Variants in HDAC9 observed in about 807,000 individuals in gnomAD.
The protein encoded by HDAC9 is MEF-2 interacting transcription repressor (MITR) protein.
In HDAC9, 41 loss-of-function variants were observed where a neutral mutation model predicts 139.4. That is an observed-to-expected ratio of 0.29 (90% CI 0.23 to 0.38). The LOEUF (loss-of-function observed/expected upper bound fraction) is 0.38. HDAC9 is among the 10% of genes least tolerant of loss of function. The pLI is 1.00. For synonymous variants in HDAC9, 517 were observed against 476.2 expected (o/e 1.09, Z -1.12); for missense variants, 1,147 against 1,297.0 (o/e 0.88, Z 1.78).
At chr7:18,576,052 T>C (rs1278491274) in intron 2 of HDAC9, among the ~76,000 whole-genome samples, 1 of 152,182 alleles carries the variant, frequency 6.6e-6, no homozygotes, top group African/African-American at 2.4e-5. Context: ...AGCTAAGATA[T>C]GAAGGATAGG....
intron 2 of HDAC9, among the ~76,000 whole-genome samples, chr7:18,506,506 T>A (rs1799805287): frequency 6.6e-6 from 1 of 152,168 alleles, no homozygotes; most frequent in Admixed American, 6.5e-5. Context: ...GATTCTATTA[T>A]TGAAAGTGTA....
intron 1 of HDAC9, among the ~76,000 whole-genome samples, chr7:18,303,420 TG>T (rs1798698699): frequency 9.0e-6 from 1 of 111,286 alleles, no homozygotes; most frequent in African/African-American, 6.4e-5. Flanking sequence ...TGTGTGTGTG[TG>T]TGTTTTTAGT....
chr7:18,404,863 G>A (rs189894059), intron 1 of HDAC9, among the ~76,000 whole-genome samples: 44 of 152,298 alleles, frequency 2.9e-4, no homozygotes, highest in African/African-American at 9.1e-4. Flanking sequence ...AAAGAAGTAC[G>A]ATTATTGTTT....
intron 6 of HDAC9, among the ~76,000 whole-genome samples, chr7:18,601,770 T>A (rs1284002962): frequency 6.6e-6 from 1 of 152,236 alleles, no homozygotes; most frequent in Non-Finnish European, 1.5e-5. Context: ...ATGGTTTACA[T>A]TAGCCAATTT....
chr7:18,167,058 A>G (rs553013289), intron 2 of HDAC9, among the ~76,000 whole-genome samples: 1 of 152,244 alleles, frequency 6.6e-6, no homozygotes, highest in Non-Finnish European at 1.5e-5. Flanking sequence ...TATCTATTTC[A>G]AGTAATATTC....
At chr7:18,389,488 G>A (rs1786258611) in intron 1 of HDAC9, among the ~76,000 whole-genome samples, 1 of 152,176 alleles carries the variant, frequency 6.6e-6, no homozygotes, top group African/African-American at 2.4e-5. Flanking sequence ...ATCTGGACGA[G>A]TGCTCATGGT....
chr7:18,214,280 A>C (rs771863549), intron 2 of HDAC9, among the ~76,000 whole-genome samples: 1 of 152,124 alleles, frequency 6.6e-6, no homozygotes. Context: ...TCTTGTATTA[A>C]TGGTGTGTCT....
intron 12 of HDAC9, among the ~76,000 whole-genome samples, chr7:18,675,241 C>T (rs1006420505): frequency 3.9e-5 from 6 of 152,090 alleles, no homozygotes; most frequent in South Asian, 2.1e-4. Context: ...CATTTTGCAT[C>T]GTCTTTGAGA....
chr7:18,131,739 A>G (rs1362818885), intron 1 of HDAC9, among the ~76,000 whole-genome samples: 1 of 152,126 alleles, frequency 6.6e-6, no homozygotes, highest in Non-Finnish European at 1.5e-5. Flanking sequence ...TGAGGCGGTG[A>G]GAGCCTCAGT....
intron 2 of HDAC9, among the ~76,000 whole-genome samples, chr7:18,254,995 A>C (rs1292883629): frequency 3.9e-5 from 6 of 152,362 alleles, no homozygotes; most frequent in Non-Finnish European, 8.8e-5. Context: ...ACACATATAC[A>C]TATATAAATT....
At chr7:18,508,021 A>C (rs1352767030) in intron 2 of HDAC9, among the ~76,000 whole-genome samples, 1 of 152,184 alleles carries the variant, frequency 6.6e-6, no homozygotes, top group Non-Finnish European at 1.5e-5. Flanking sequence ...TGAAAGAGTC[A>C]TTTATCGGTT....
chr7:18,292,548 G>A (rs1313144481), intron 1 of HDAC9, among the ~76,000 whole-genome samples: 2 of 152,070 alleles, frequency 1.3e-5, no homozygotes, highest in African/African-American at 4.8e-5. Flanking sequence ...CAAATACAGA[G>A]GCGGGTGGGG....
rs1459383802 is a variant in HDAC9, at chr7:18,704,474, TTG to T, written c.1732-23100_1732-23099del. Among the ~76,000 whole-genome samples the T allele has an allele frequency of 2.6e-5, 4 of 152,302 alleles. No individual in the cohort carries two copies. The East Asian group carries it at 7.7e-4, about 29-fold the overall frequency. ...AGCCATTCTAGGTACTTAACTGAAT[TTG>T]TGTGTTTGGAATCTCCTTAAGTGAC... On this transcript the variant is annotated intron_variant, in intron 12 of 25. Transcript: ENST00000686413.
chr7:18,902,607 T>G (rs1212522311), intron 22 of HDAC9, among the ~76,000 whole-genome samples: 2 of 152,150 alleles, frequency 1.3e-5, no homozygotes, highest in South Asian at 2.1e-4. Context: ...TGTGAGCAAC[T>G]GAAACAATTG....
chr7:18,820,851 G>A (rs1794911533), intron 17 of HDAC9, among the ~76,000 whole-genome samples: 1 of 152,160 alleles, frequency 6.6e-6, no homozygotes, highest in South Asian at 2.1e-4. Context: ...AAATAGAGAT[G>A]AGTTCTCAGA....
At chr7:18,775,518 C>T (rs978299591) in intron 16 of HDAC9, among the ~76,000 whole-genome samples, 1 of 151,924 alleles carries the variant, frequency 6.6e-6, no homozygotes, top group African/African-American at 2.4e-5. Context: ...CTACAAGTAG[C>T]GAAATTCTTT....
rs966570006 is a variant in HDAC9, at chr7:18,528,587, T to A, written c.22+32263T>A. Reference sequence around the variant, plus strand: ...CATTAAAAATTACTTAGCAAACTCATAATTATGTACCAGAATAATTCCCTT... The same window carrying A: ...CATTAAAAATTACTTAGCAAACTCAAAATTATGTACCAGAATAATTCCCTT... On this transcript the variant is annotated intron_variant, in intron 2 of 25. Transcript: ENST00000686413. Among the ~76,000 whole-genome samples, 6 of 152,258 alleles carry A rather than the reference T, an allele frequency of 3.9e-5. No individual in the cohort carries two copies. The South Asian group carries it at 6.2e-4, about 16-fold the overall frequency.
chr7:18,936,347 T>A (rs1258827068), intron 23 of HDAC9, among the ~76,000 whole-genome samples: 1 of 152,218 alleles, frequency 6.6e-6, no homozygotes, highest in Non-Finnish European at 1.5e-5. Context: ...GAATTCTTTA[T>A]GCTAAGAGGT....
chr7:18,909,087 C>G (rs1802522486), intron 22 of HDAC9, among the ~76,000 whole-genome samples: 1 of 152,044 alleles, frequency 6.6e-6, no homozygotes, highest in South Asian at 2.1e-4. Flanking sequence ...AATAGCCATT[C>G]TAACCGGGGT....
Sources: allele counts gnomAD v4.1 joint callset (sites outside exome capture counted in the v4.1 genomes callset), GRCh38; gene constraint gnomAD v4.1.1; transcripts MANE v1.5; gene names NCBI Gene and HGNC (gene_info 2026-07-23, HGNC 2026-07-21).